CNTN4: variants seen among roughly 807,000 people sequenced by gnomAD.
CNTN4 encodes contactin-4.
CNTN4 carries 77 observed loss-of-function variants against 122.5 expected under a neutral mutation model. That is an observed-to-expected ratio of 0.63 (90% confidence interval 0.52 to 0.76). The LOEUF is 0.76. CNTN4 is among the 30% of genes least tolerant of loss of function. CNTN4 has a pLI of 0.00. For synonymous variants in CNTN4, 512 were observed against 447.0 expected (o/e 1.15, Z -1.83); for missense variants, 1,256 against 1,259.1 (o/e 1.00, Z 0.04).
At chr3:2,811,760 G>A (rs1450269301) in intron 6 of CNTN4, among the ~76,000 whole-genome samples, 1 of 152,032 alleles carries the variant, frequency 6.6e-6, no homozygotes, top group Non-Finnish European at 1.5e-5. Context: ...CGCCTCCCAG[G>A]TTCAAGCAAT....
At chr3:2,634,069 A>C (rs1007715076) in intron 4 of CNTN4, among the ~76,000 whole-genome samples, 2 of 152,248 alleles carry the variant, frequency 1.3e-5, no homozygotes, top group African/African-American at 4.8e-5. Context: ...GGAGGATTTC[A>C]TGTAAATTCA....
intron 3 of CNTN4, among the ~76,000 whole-genome samples, chr3:2,459,100 C>T (rs924452588): frequency 2.6e-5 from 4 of 152,114 alleles, no homozygotes; most frequent in Non-Finnish European, 5.9e-5. Context: ...AAATTATAGA[C>T]ACTTAATACC....
At chr3:2,142,782 G>A (rs1435814252) in intron 2 of CNTN4, among the ~76,000 whole-genome samples, 6 of 152,246 alleles carry the variant, frequency 3.9e-5, no homozygotes, top group Non-Finnish European at 8.8e-5. Flanking sequence ...AAGAAGCAGA[G>A]AAGGAGAAGG....
At chr3:3,032,009 A>C (rs1699205888) in intron 16 of CNTN4, among the ~76,000 whole-genome samples, 1 of 152,044 alleles carries the variant, frequency 6.6e-6, no homozygotes, top group Admixed American at 6.6e-5. Flanking sequence ...GTAAGGGGGG[A>C]AATGTGTGGG....
chr3:2,137,074 AT>A (rs1457995289), intron 2 of CNTN4, among the ~76,000 whole-genome samples: 28 of 152,338 alleles, frequency 1.8e-4, no homozygotes, highest in African/African-American at 6.7e-4. Context: ...TTGAATCAAA[AT>A]AATCGTGTAG....
Position 2,270,541 on chromosome 3 carries a change from T to C in CNTN4, c.-144-68637T>C, listed in dbSNP as rs1252981466. On this transcript the variant is annotated intron_variant, in intron 2 of 24. Transcript: ENST00000418658. ...GGACAGGAGTACTTGTTATGACCTG[T>C]GGGGCCCTACTTTCCTTCATTCTCA... is the stretch of plus-strand genomic sequence containing the variant. 9.9e-5 allele frequency among the ~76,000 whole-genome samples: 15 copies of C among 152,228 alleles called. No individual in the cohort carries two copies. In the East Asian group the frequency reaches 1.4e-3, roughly 14 times the overall value.
At chr3:2,589,167 A>G (rs2080343517) in intron 4 of CNTN4, among the ~76,000 whole-genome samples, 1 of 152,140 alleles carries the variant, frequency 6.6e-6, no homozygotes, top group African/African-American at 2.4e-5. Context: ...TGGCATAGAA[A>G]GTTATTGTGA....
Position 2,406,519 on chromosome 3 carries a change from G to C in CNTN4, c.-89+67286G>C, listed in dbSNP as rs555793899. Reference sequence around the variant, plus strand: ...TAGTTTGTTCCCTGTTTTGATAATTGCACTGTGGTTATGTAAGGTATGAAC... The same window carrying C: ...TAGTTTGTTCCCTGTTTTGATAATTCCACTGTGGTTATGTAAGGTATGAAC... On this transcript the variant is annotated intron_variant, in intron 3 of 24. Coordinates refer to ENST00000418658, the MANE Select transcript of CNTN4 (RefSeq NM_175607.3). Among the ~76,000 whole-genome samples the C allele has an allele frequency of 1.6e-3, 250 of 152,284 alleles. 2 individuals are homozygous for C. Among genetic ancestry groups the C allele is most frequent in the African/African-American group, 5.5e-3 (230 of 41,564 alleles).
At chr3:3,042,003 C>T (rs1327958002) in intron 20 of CNTN4, among the ~76,000 whole-genome samples, 1 of 152,128 alleles carries the variant, frequency 6.6e-6, no homozygotes, top group Admixed American at 6.6e-5. Context: ...TAAGCAATAA[C>T]ATTTGTGAGA....
At chr3:2,286,958 C>G (rs1347852699) in intron 2 of CNTN4, among the ~76,000 whole-genome samples, 1 of 152,114 alleles carries the variant, frequency 6.6e-6, no homozygotes, top group Non-Finnish European at 1.5e-5. Context: ...ATGGATTAAG[C>G]GTTTGTAGGT....
chr3:3,039,926 A>T (rs1489637423), intron 19 of CNTN4, 111 bp from the exon 20 acceptor site: 19 of 774,936 alleles, frequency 2.5e-5, no homozygotes, highest in Non-Finnish European at 4.4e-5. Context: ...AACGCCAAAT[A>T]AGATGGGTGG....
intron 2 of CNTN4, among the ~76,000 whole-genome samples, chr3:2,240,781 A>G (rs763153359): frequency 1.3e-5 from 2 of 152,162 alleles, no homozygotes; most frequent in Non-Finnish European, 2.9e-5. Flanking sequence ...TAAAAATTAT[A>G]TTTTAAACGT....
chr3:2,933,977 C>T lies in CNTN4; in HGVS notation c.1358+8198C>T, dbSNP rs542471760. Among the ~76,000 whole-genome samples, 41 of 152,108 alleles carry T rather than the reference C, an allele frequency of 2.7e-4. No homozygotes were observed. The South Asian group carries it at 8.3e-3, about 31-fold the overall frequency. On this transcript the variant is annotated intron_variant, in intron 13 of 24. Coordinates refer to ENST00000418658, the MANE Select transcript of CNTN4 (RefSeq NM_175607.3). ...CCTGCTGGGAGGTTTGAAGGAGACT[C>T]AAAGAGGTGGGAGAACATCTAGGAG... is the stretch of plus-strand genomic sequence containing the variant.
At chr3:2,399,907 G>A (rs1044379587) in intron 3 of CNTN4, among the ~76,000 whole-genome samples, 9 of 152,036 alleles carry the variant, frequency 5.9e-5, no homozygotes, top group Admixed American at 2.0e-4. Flanking sequence ...CTTGTAAAGA[G>A]TAACCTCTGC....
chr3:2,441,546 C>T (rs188204689), intron 3 of CNTN4, among the ~76,000 whole-genome samples: 4 of 152,290 alleles, frequency 2.6e-5, no homozygotes, highest in African/African-American at 4.8e-5. Flanking sequence ...TGCAGAGTAG[C>T]AGGTAATAAA....
chr3:2,668,995 G>C (rs1226100691), intron 4 of CNTN4, among the ~76,000 whole-genome samples: 1 of 152,164 alleles, frequency 6.6e-6, no homozygotes, highest in Non-Finnish European at 1.5e-5. Flanking sequence ...CGGTTTGCCA[G>C]TATTTTATTG....
intron 2 of CNTN4, among the ~76,000 whole-genome samples, chr3:2,310,166 TA>T (rs2042861813): frequency 6.6e-6 from 1 of 152,138 alleles, no homozygotes; most frequent in African/African-American, 2.4e-5. Context: ...GACATTACGA[TA>T]AGGGGAAAGA....
chr3:2,610,714 A>G (rs1166993897), intron 4 of CNTN4, among the ~76,000 whole-genome samples: 1 of 152,204 alleles, frequency 6.6e-6, no homozygotes, highest in East Asian at 1.9e-4. Context: ...ATTAATAGGT[A>G]TCTCATATGA....
At chr3:2,790,591 A>G (rs967063025) in intron 6 of CNTN4, among the ~76,000 whole-genome samples, 5 of 152,176 alleles carry the variant, frequency 3.3e-5, no homozygotes, top group African/African-American at 1.2e-4. Context: ...TTAACATGCC[A>G]GGCAAATCAG....
Sources: gnomAD v4.1 joint callset for allele counts (sites outside exome capture counted in the v4.1 genomes callset) on GRCh38, gnomAD v4.1.1 for gene constraint, MANE v1.5 for transcripts, NCBI Gene and HGNC (gene_info 2026-07-23, HGNC 2026-07-21) for gene names.